HOXC4: variants seen among roughly 807,000 people sequenced by gnomAD.
HOXC4 encodes homeobox protein Hox-C4.
In HOXC4, 15 loss-of-function variants were observed where a neutral mutation model predicts 25.5. The observed-to-expected ratio is 0.59, with a 90% confidence interval of 0.39 to 0.91. The LOEUF (loss-of-function observed/expected upper bound fraction) is 0.91. Among genes scored for constraint, HOXC4 ranks in the 40% least tolerant of loss-of-function variants. The pLI is 0.00. For synonymous variants in HOXC4, 165 were observed against 148.0 expected (o/e 1.11, Z -0.83); for missense variants, 342 against 352.4 (o/e 0.97, Z 0.24).
intron 1 of HOXC4, chr12:54,030,740 C>T (rs899271811): frequency 6.6e-5 from 10 of 152,584 alleles, no homozygotes; most frequent in East Asian, 1.9e-4. Context: ...AAATAAATCC[C>T]TTCGTGTTAC....
intron 1 of HOXC4, chr12:54,034,864 C>T (rs1288756934): frequency 1.0e-5 from 3 of 290,280 alleles, no homozygotes; most frequent in East Asian, 8.4e-5. Context: ...GGGCCCGGCC[C>T]GCGCCACAGG....
At chr12:54,024,448 G>A (rs1356276584) in intron 1 of HOXC4, among the ~76,000 whole-genome samples, 2 of 152,196 alleles carry the variant, frequency 1.3e-5, no homozygotes, top group South Asian at 2.1e-4. Flanking sequence ...AAACATCCGC[G>A]CAGAGTTAGG....
At chr12:54,019,305 C>T (rs544347113) in intron 1 of HOXC4, among the ~76,000 whole-genome samples, 2 of 152,230 alleles carry the variant, frequency 1.3e-5, no homozygotes, top group East Asian at 1.9e-4. Flanking sequence ...GCCGCCTGCT[C>T]AGGCTGCCGC....
chr12:54,021,910 T>G (rs1458995701), intron 1 of HOXC4: 1 of 152,290 alleles, frequency 6.6e-6, no homozygotes, highest in Non-Finnish European at 1.5e-5. Flanking sequence ...CTCCCTCCCC[T>G]TTCCAGCAAC....
chr12:54,033,688 A>T (rs1337432181), intron 1 of HOXC4: 2 of 922,412 alleles, frequency 2.2e-6, no homozygotes, highest in Non-Finnish European at 3.2e-6. Context: ...TCCAGGCATC[A>T]ATGGCTCGTA....
rs1195699780 is a variant in HOXC4 at position 54,033,611 on chromosome 12, C to A, written c.-124+16197C>A. 6 of 1,488,814 alleles carry A rather than the reference C, an allele frequency of 4.0e-6. No individual in the cohort carries two copies. In the African/African-American group the frequency reaches 7.0e-5, roughly 17 times the overall value. The allele number at this position is 1,488,814 out of a possible 1,614,324, so 92.2% of individuals were successfully genotyped here. On this transcript the variant is annotated intron_variant, in intron 1 of 3. Transcript: ENST00000303406. The stretch of plus-strand genomic sequence containing the variant: ...AGGACTTCATTTTGCGCTCTCGGGT[C>A]CGCCTGGGTTTTATAGGCCATGCGG...
intron 1 of HOXC4, chr12:54,030,116 C>T (rs906227310): frequency 2.9e-6 from 2 of 698,646 alleles, no homozygotes; most frequent in Non-Finnish European, 4.6e-6. Context: ...TGAAAGTCAG[C>T]TCTGGACCCC....
intron 1 of HOXC4, among the ~76,000 whole-genome samples, chr12:54,043,590 A>ACCCCT (rs1353204405): frequency 1.1e-5 from 1 of 94,138 alleles, no homozygotes; most frequent in Non-Finnish European, 2.2e-5. Context: ...TCCCCACCCC[A>ACCCCT]CCCCCACCCC....
Position 54,053,886 on chromosome 12 carries a change from A to G in HOXC4, c.-37A>G. 1 of 1,545,068 alleles carries G rather than the reference A, an allele frequency of 6.5e-7. No homozygotes were observed. The highest frequency in any genetic ancestry group is 8.9e-7 in the Non-Finnish European group (1 of 1,125,764). ...GAGGGCTTTATGGAGCAGAAAAACG[A>G]CAAAGCGAGAAAAATTATTTTCCAC... On this transcript the variant is annotated 5_prime_UTR_variant, in exon 1 of 2. Transcript: ENST00000430889.
intron 1 of HOXC4, chr12:54,028,458 G>A: frequency 6.5e-7 from 1 of 1,541,324 alleles, no homozygotes; most frequent in Admixed American, 1.8e-5. Context: ...CTAGTTCCGA[G>A]TACAAACTGG....
intron 1 of HOXC4, chr12:54,022,252 G>A (rs932009835): frequency 2.6e-5 from 4 of 152,030 alleles, no homozygotes; most frequent in Non-Finnish European, 5.9e-5. Flanking sequence ...AATGTTGGTG[G>A]ATTCATAAAG....
chr12:54,043,187 A>G (rs1332785566), intron 1 of HOXC4, among the ~76,000 whole-genome samples: 1 of 152,222 alleles, frequency 6.6e-6, no homozygotes, highest in Non-Finnish European at 1.5e-5. Flanking sequence ...GAGCCGGTCC[A>G]CTGCTCCAGG....
rs1363066056 is a variant in HOXC4 at position 54,055,001 on chromosome 12, G to A, written c.591G>A (p.Glu197=). The change falls in exon 2 of 2, where the codon GAG becomes GAA. Residue 197 remains glutamate, a synonymous_variant. Coordinates refer to ENST00000430889, the MANE Select transcript of HOXC4 (RefSeq NM_153633.3). ...TCGCCCACTCGCTGTGCCTCTCTGA[G>A]AGGCAGATCAAAATCTGGTTCCAAA... ...IEIAHSLCLS[E]RQIKIWFQNR... The A allele has an allele frequency of 1.3e-5, 21 of 1,614,080 alleles. No homozygotes were observed. Among genetic ancestry groups the A allele is most frequent in the Non-Finnish European group, 1.7e-5 (20 of 1,180,030 alleles).
chr12:54,045,521 A>G (rs1821822637), intron 1 of HOXC4, among the ~76,000 whole-genome samples: 1 of 152,260 alleles, frequency 6.6e-6, no homozygotes, highest in African/African-American at 2.4e-5. Context: ...ATCCTAACCC[A>G]TAAAATAGCT....
intron 1 of HOXC4, chr12:54,020,832 T>C (rs925422076): frequency 2.0e-5 from 3 of 152,204 alleles, no homozygotes; most frequent in East Asian, 1.9e-4. Context: ...TCAGACCTTA[T>C]TGCTTTTGTT....
At chr12:54,036,307 C>G (rs1028198443) in intron 1 of HOXC4, among the ~76,000 whole-genome samples, 1 of 152,108 alleles carries the variant, frequency 6.6e-6, no homozygotes, top group Admixed American at 6.5e-5. Context: ...CAAGCCTAGG[C>G]CCCCCACACT....
At chr12:54,029,629 AGT>A in intron 1 of HOXC4, 1 of 1,602,984 alleles carries the variant, frequency 6.2e-7, no homozygotes, top group Non-Finnish European at 8.5e-7. Flanking sequence ...GATTGCTTTT[AGT>A]GTGTTTTGTG....
rs1257109470 is a variant in HOXC4 at position 54,033,100 on chromosome 12, A to G, written c.-124+15686A>G. 2.5e-6 allele frequency: 4 copies of G among 1,589,410 alleles called. No individual in the cohort carries two copies. The South Asian group carries it at 3.4e-5, about 13-fold the overall frequency. On this transcript the variant is annotated intron_variant, in intron 1 of 3. Coordinates refer to the HOXC4 transcript ENST00000303406. ...CACCCTTAATCAAAAAGGGTGCAGA[A>G]ATTTTTTTGGGCCCTCCCCGCCATG...
At chr12:54,042,561 T>C (rs78894268) in intron 1 of HOXC4, among the ~76,000 whole-genome samples, 2,154 of 152,302 alleles carry the variant, frequency 0.014, 66 homozygotes, top group African/African-American at 0.049. Context: ...TGCTTTGGAC[T>C]GAGTTTTTGA....
Sources: allele counts gnomAD v4.1 joint callset (sites outside exome capture counted in the v4.1 genomes callset), GRCh38; gene constraint gnomAD v4.1.1; transcripts MANE v1.5; gene names NCBI Gene and HGNC (gene_info 2026-07-23, HGNC 2026-07-21).